The following GNA13 variants were observed in gnomAD, a reference collection of about 807,000 sequenced individuals.
The protein encoded by GNA13 is guanine nucleotide-binding protein subunit alpha-13.
Under a neutral mutation model 33.5 loss-of-function variants are expected in GNA13, and 4 were observed. That is an observed-to-expected ratio of 0.12 (90% CI 0.06 to 0.27). The LOEUF is 0.27. GNA13 is among the 10% of genes least tolerant of loss of function. GNA13 has a pLI of 1.00. For missense variants in GNA13, 319 were observed against 487.2 expected, an observed-to-expected ratio of 0.65 and a Z score of 3.25; for synonymous variants, 176 against 183.8, an observed-to-expected ratio of 0.96 and a Z score of 0.34.
At chr17:65,049,010 C>G (rs879595929) in intron 2 of GNA13, among the ~76,000 whole-genome samples, 2 of 152,100 alleles carry the variant, frequency 1.3e-5, no homozygotes, top group South Asian at 4.1e-4. Flanking sequence ...TATAATTACA[C>G]AAGAACTGTC....
At chr17:65,044,401 T>C (rs1907578737) in intron 2 of GNA13, among the ~76,000 whole-genome samples, 1 of 152,192 alleles carries the variant, frequency 6.6e-6, no homozygotes, top group Admixed American at 6.5e-5. Context: ...GAATAGTATA[T>C]AGCTAGGGAA....
At chr17:65,041,266 C>G (rs1406425416) in intron 2 of GNA13, among the ~76,000 whole-genome samples, 1 of 152,112 alleles carries the variant, frequency 6.6e-6, no homozygotes, top group Non-Finnish European at 1.5e-5. Flanking sequence ...CTAAATATAG[C>G]TGCCTTGGCT....
At chr17:65,018,553 A>T (rs1906465970) in intron 2 of GNA13, among the ~76,000 whole-genome samples, 1 of 152,208 alleles carries the variant, frequency 6.6e-6, no homozygotes, top group Non-Finnish European at 1.5e-5. Flanking sequence ...ATCTGCTTGG[A>T]CAGGATTACA....
At chr17:65,026,015 GAC>G (rs1906768488) in intron 2 of GNA13, among the ~76,000 whole-genome samples, 1 of 151,552 alleles carries the variant, frequency 6.6e-6, no homozygotes, top group African/African-American at 2.4e-5. Flanking sequence ...CAGCAGATAA[GAC>G]ACAACAAAAA....
At chr17:65,051,247 C>T (rs768728357) in intron 2 of GNA13, among the ~76,000 whole-genome samples, 3 of 152,062 alleles carry the variant, frequency 2.0e-5, no homozygotes, top group Non-Finnish European at 2.9e-5. Context: ...TAGAGCCTGA[C>T]AAAATTGAGT....
At chr17:65,051,411 T>A (rs1028916955) in intron 2 of GNA13, among the ~76,000 whole-genome samples, 1 of 151,694 alleles carries the variant, frequency 6.6e-6, no homozygotes, top group Non-Finnish European at 1.5e-5. Context: ...AGGTCAGGAG[T>A]TAGAGACCAG....
At chr17:65,039,956 C>T (rs1457743851) in intron 2 of GNA13, among the ~76,000 whole-genome samples, 6 of 152,152 alleles carry the variant, frequency 3.9e-5, no homozygotes, top group Non-Finnish European at 8.8e-5. Flanking sequence ...GCTTTCTTGT[C>T]TCCTCATCAC....
chr17:65,017,010 C>T (rs1223250671), intron 3 of GNA13, among the ~76,000 whole-genome samples: 4 of 152,178 alleles, frequency 2.6e-5, no homozygotes, highest in African/African-American at 7.2e-5. Context: ...AACAGAAATA[C>T]TGCAATTAAA....
intron 2 of GNA13, among the ~76,000 whole-genome samples, chr17:65,043,040 T>C (rs996686363): frequency 5.3e-5 from 8 of 152,130 alleles, no homozygotes; most frequent in Non-Finnish European, 7.4e-5. Context: ...CTCGTCACAA[T>C]AGTAACAGTA....
In GNA13 at chr17:65,053,689, A is replaced by G. The variant is rs1367435540; in HGVS notation, c.323T>C (p.Ile108Thr). Residue 108 changes from isoleucine (I) to threonine (T), a missense_variant, in exon 2 of 4, where the codon ATT (isoleucine) becomes ACT (threonine). Ile to Thr is a moderately conservative substitution (Grantham distance 89). This residue lies in a region of GNA13 where 136 missense variants were observed against 159.3 expected (regional missense o/e 0.85). Coordinates refer to ENST00000439174, the MANE Select transcript of GNA13 (RefSeq NM_006572.6). ...VLVDAREKLH[I>T]PWGDNSNQQH... ...TTGGTTTGAGTTGTCTCCCCAGGGA[A>G]TATGAAGCTTCTCTCGAGCATCAAC... 2.5e-6 allele frequency: 4 copies of G among 1,613,796 alleles called. No individual in the cohort carries two copies. In the African/African-American group the frequency reaches 5.3e-5, roughly 22 times the overall value.
chr17:65,046,099 A>G (rs1327865476), intron 2 of GNA13, among the ~76,000 whole-genome samples: 1 of 152,162 alleles, frequency 6.6e-6, no homozygotes, highest in African/African-American at 2.4e-5. Flanking sequence ...ATAACAGTAT[A>G]TCTTGTTTTG....
chr17:65,030,264 C>A (rs1906954518), intron 2 of GNA13, among the ~76,000 whole-genome samples: 3 of 152,290 alleles, frequency 2.0e-5, no homozygotes, highest in Non-Finnish European at 4.4e-5. Flanking sequence ...TATTTATAAT[C>A]CTGAAGTTTC....
chr17:65,037,704 G>C (rs887860625), intron 2 of GNA13, among the ~76,000 whole-genome samples: 13 of 132,054 alleles, frequency 9.8e-5, no homozygotes, highest in African/African-American at 3.6e-4. Flanking sequence ...GGCCGAGAGA[G>C]GCAGACTGCT....
chr17:65,043,793 T>C (rs1907549476), intron 2 of GNA13, among the ~76,000 whole-genome samples: 1 of 152,112 alleles, frequency 6.6e-6, no homozygotes, highest in African/African-American at 2.4e-5. Flanking sequence ...GCAGAGTAGA[T>C]GGGGATGAAA....
intron 2 of GNA13, chr17:65,053,068 A>AT (rs1907912827): frequency 6.3e-6 from 1 of 158,264 alleles, no homozygotes. Context: ...TGAGGCTATA[A>AT]TTTTGGATAG....
At chr17:65,026,949 T>C (rs1030219059) in intron 2 of GNA13, among the ~76,000 whole-genome samples, 12 of 152,046 alleles carry the variant, frequency 7.9e-5, no homozygotes, top group African/African-American at 2.7e-4. Flanking sequence ...CAGTTAATTT[T>C]GTATTTTTAG....
chr17:65,020,410 ACAATTTCAGTT>A (rs999849865), intron 2 of GNA13, among the ~76,000 whole-genome samples: 1 of 152,190 alleles, frequency 6.6e-6, no homozygotes, highest in African/African-American at 2.4e-5. Flanking sequence ...GCCCTGTGCA[ACAATTTCAGTT>A]AGTTCCACTG....
At chr17:65,051,474 G>A (rs1446541135) in intron 2 of GNA13, among the ~76,000 whole-genome samples, 1 of 152,146 alleles carries the variant, frequency 6.6e-6, no homozygotes, top group East Asian at 1.9e-4. Context: ...AATTAGCCAG[G>A]TGTGGTGGCG....
At chr17:65,027,067 C>T (rs549692160) in intron 2 of GNA13, among the ~76,000 whole-genome samples, 5 of 152,282 alleles carry the variant, frequency 3.3e-5, no homozygotes, top group Middle Eastern at 3.4e-3. Flanking sequence ...CGTGAGCCAC[C>T]GCGCCCGGCC....
Sources: allele counts gnomAD v4.1 joint callset (sites outside exome capture counted in the v4.1 genomes callset), GRCh38; gene constraint gnomAD v4.1.1; regional missense constraint gnomAD v4.1.1; transcripts MANE v1.5; gene names NCBI Gene and HGNC (gene_info 2026-07-23, HGNC 2026-07-21).